CNTN6: variants seen among roughly 807,000 people sequenced by gnomAD.
CNTN6 encodes contactin 6.
In CNTN6, 137 loss-of-function variants were observed where a neutral mutation model predicts 122.8. That is an observed-to-expected ratio of 1.12 (90% CI 0.97 to 1.29). The LOEUF is 1.29. Among genes scored for constraint, CNTN6 ranks in the 50% most tolerant of loss-of-function variants. The pLI is 0.00. For missense variants in CNTN6, 1,634 were observed against 1,223.4 expected (o/e 1.34, Z -5.01); for synonymous variants, 570 against 426.0 (o/e 1.34, Z -4.16).
chr3:1,245,228 A>C (rs1299993193), intron 4 of CNTN6, among the ~76,000 whole-genome samples: 1 of 16,730 alleles, frequency 6.0e-5, no homozygotes, highest in Admixed American at 6.1e-4. Flanking sequence ...ATATATATAT[A>C]TATATATACA....
chr3:1,121,211 A>G (rs1378760794), intron 1 of CNTN6, among the ~76,000 whole-genome samples: 1 of 151,930 alleles, frequency 6.6e-6, no homozygotes, highest in African/African-American at 2.4e-5. Flanking sequence ...AGAGGTATGT[A>G]GTACTGAGCT....
At chr3:1,381,528 G>T (rs956916656) in intron 17 of CNTN6, among the ~76,000 whole-genome samples, 1 of 152,050 alleles carries the variant, frequency 6.6e-6, no homozygotes, top group Non-Finnish European at 1.5e-5. Flanking sequence ...TGAAGAACCG[G>T]AACATGGTTC....
intron 1 of CNTN6, among the ~76,000 whole-genome samples, chr3:1,128,071 C>T (rs1214674119): frequency 6.6e-6 from 1 of 151,924 alleles, no homozygotes; most frequent in Non-Finnish European, 1.5e-5. Flanking sequence ...TTCCGTTTTG[C>T]TACTTGAAGC....
Position 1,284,451 on chromosome 3 carries a change from G to T in CNTN6, c.454+5943G>T, listed in dbSNP as rs142583280. ...CTGAGGCTCTCTGAAAGTGTAAAAG[G>T]CAGACAGGCCCAATAGTTGCCTCTT... On this transcript the variant is annotated intron_variant, in intron 5 of 22. Transcript: ENST00000446702. 5.8e-3 allele frequency among the ~76,000 whole-genome samples: 878 copies of T among 152,186 alleles called. 4 individuals are homozygous for T. The highest frequency in any genetic ancestry group is 9.3e-3 in the Non-Finnish European group (631 of 68,012).
At chr3:1,222,815 T>A (rs2094226152) in intron 3 of CNTN6, among the ~76,000 whole-genome samples, 1 of 152,102 alleles carries the variant, frequency 6.6e-6, no homozygotes, top group Non-Finnish European at 1.5e-5. Flanking sequence ...GCACTAACCC[T>A]GGTGCTTATT....
intron 7 of CNTN6, among the ~76,000 whole-genome samples, chr3:1,319,055 C>T (rs1349363780): frequency 6.6e-6 from 1 of 151,712 alleles, no homozygotes; most frequent in African/African-American, 2.4e-5. Context: ...AATGTTGTCA[C>T]TGAGTTATTT....
At chr3:1,173,349 G>A (rs1169050116) in intron 2 of CNTN6, 1 of 455,622 alleles carries the variant, frequency 2.2e-6, no homozygotes, top group East Asian at 6.9e-5. Flanking sequence ...AAAAACAGCT[G>A]CCTTTACTAA....
intron 7 of CNTN6, among the ~76,000 whole-genome samples, chr3:1,298,899 G>C (rs757608859): frequency 2.6e-5 from 4 of 152,072 alleles, no homozygotes; most frequent in Non-Finnish European, 5.9e-5. Context: ...TAAATCCAAA[G>C]TCTATTCCTA....
In CNTN6 at chr3:1,329,959, A is replaced by C. The variant is rs757090291; in HGVS notation, c.1364+24A>C. 3 of 1,495,622 alleles carry C rather than the reference A, an allele frequency of 2.0e-6. No individual in the cohort carries two copies. The Admixed American group carries it at 7.2e-5, about 36-fold the overall frequency. 92.6% of individuals were successfully genotyped at this position (1,495,622 alleles called of 1,614,324 possible). A position where few individuals can be genotyped will look rare whatever the true frequency, so the allele number is the denominator to read the frequency against. On this transcript the variant is annotated intron_variant, in intron 11 of 22. Coordinates refer to ENST00000446702, the MANE Select transcript of CNTN6 (RefSeq NM_001289080.2). ...AGGTAAACAAATCTTTATTTTTAAAAATATTTTTGTTTGTAATATAACATC... is the reference window on the plus strand; with the variant it reads ...AGGTAAACAAATCTTTATTTTTAAACATATTTTTGTTTGTAATATAACATC...
At chr3:1,126,537 A>G (rs1194946999) in intron 1 of CNTN6, among the ~76,000 whole-genome samples, 1 of 151,826 alleles carries the variant, frequency 6.6e-6, no homozygotes, top group Non-Finnish European at 1.5e-5. Context: ...ATCTTTGTTA[A>G]TTGTAACTCT....
chr3:1,253,542 A>G (rs2125677148), intron 4 of CNTN6, among the ~76,000 whole-genome samples: 1 of 152,282 alleles, frequency 6.6e-6, no homozygotes, highest in African/African-American at 2.4e-5. Flanking sequence ...TTTTCAACTG[A>G]TTTGACTTCT....
intron 2 of CNTN6, among the ~76,000 whole-genome samples, chr3:1,152,433 C>T (rs188710009): frequency 2.6e-5 from 4 of 152,208 alleles, no homozygotes. Flanking sequence ...GACATCACAA[C>T]CGGTCCAGAA....
intron 2 of CNTN6, among the ~76,000 whole-genome samples, chr3:1,150,236 CTGA>C (rs922475205): frequency 6.6e-6 from 1 of 152,160 alleles, no homozygotes; most frequent in African/African-American, 2.4e-5. Flanking sequence ...ATTAGATTGT[CTGA>C]TGATAGAGTT....
chr3:1,112,827 C>A (rs1215791565), intron 1 of CNTN6, among the ~76,000 whole-genome samples: 1 of 151,980 alleles, frequency 6.6e-6, no homozygotes, highest in Non-Finnish European at 1.5e-5. Context: ...GACTCCCAGG[C>A]AGGTCACATA....
intron 7 of CNTN6, among the ~76,000 whole-genome samples, chr3:1,301,452 A>G (rs918688327): frequency 3.9e-5 from 6 of 152,182 alleles, no homozygotes; most frequent in African/African-American, 1.4e-4. Flanking sequence ...TACAAAAGAA[A>G]CCCCCTGATA....
At chr3:1,239,469 A>G (rs1409387763) in intron 4 of CNTN6, among the ~76,000 whole-genome samples, 1 of 152,226 alleles carries the variant, frequency 6.6e-6, no homozygotes, top group Non-Finnish European at 1.5e-5. Context: ...CTAATCAAGG[A>G]TGTGAAAGAC....
chr3:1,403,228 AT>A, intron 22 of CNTN6, 89 bp from the exon 23 acceptor site: 1 of 714,868 alleles, frequency 1.4e-6, no homozygotes, highest in Non-Finnish European at 2.4e-6. Flanking sequence ...TAGAAGAGAA[AT>A]GATAGTATGA....
intron 7 of CNTN6, among the ~76,000 whole-genome samples, chr3:1,320,285 T>C (rs1393006555): frequency 1.3e-5 from 2 of 151,774 alleles, no homozygotes; most frequent in Non-Finnish European, 2.9e-5. Context: ...GCACATTTTC[T>C]GACAAATATG....
At chr3:1,300,883 G>T (rs9882587) in intron 7 of CNTN6, among the ~76,000 whole-genome samples, 11,942 of 151,830 alleles carry the variant, frequency 0.079, 1,609 homozygotes, top group African/African-American at 0.27. Flanking sequence ...GAAAAATGAA[G>T]CTTGGGATAT....
Sources: allele counts gnomAD v4.1 joint callset (sites outside exome capture counted in the v4.1 genomes callset), GRCh38; gene constraint gnomAD v4.1.1; transcripts MANE v1.5; gene names NCBI Gene and HGNC (gene_info 2026-07-23, HGNC 2026-07-21).